RERG: variants seen among roughly 807,000 people sequenced by gnomAD.
RERG encodes RAS like estrogen regulated growth inhibitor, also known as ras-related and estrogen-regulated growth inhibitor.
Under a neutral mutation model 23.2 loss-of-function variants are expected in RERG, and 25 were observed. The ratio of observed to expected loss-of-function variants is 1.08; its 90% CI spans 0.79 to 1.50. The LOEUF (loss-of-function observed/expected upper bound fraction) is 1.50, where lower values mean the gene tolerates loss of function less well. RERG is among the 40% of genes most tolerant of loss of function. RERG has a pLI of 0.00. For missense variants in RERG, 253 were observed against 250.1 expected, an observed-to-expected ratio of 1.01 and a Z score of -0.08; for synonymous variants, 81 against 89.1, an observed-to-expected ratio of 0.91 and a Z score of 0.51.
intron 2 of RERG, among the ~76,000 whole-genome samples, chr12:15,197,320 A>G (rs1388922600): frequency 6.6e-6 from 1 of 152,164 alleles, no homozygotes; most frequent in Non-Finnish European, 1.5e-5. Context: ...ATCATAAACA[A>G]TTCAATGTGA....
intron 2 of RERG, among the ~76,000 whole-genome samples, chr12:15,187,305 C>T (rs563947931): frequency 6.6e-6 from 1 of 152,188 alleles, no homozygotes; most frequent in South Asian, 2.1e-4. Context: ...AGAGTAAATG[C>T]AGTACTTAGC....
chr12:15,128,569 A>T (rs1175132165), intron 2 of RERG, among the ~76,000 whole-genome samples: 1 of 152,200 alleles, frequency 6.6e-6, no homozygotes, highest in Non-Finnish European at 1.5e-5. Flanking sequence ...ATAGTATCCA[A>T]TTGAAGTCCT....
intron 2 of RERG, among the ~76,000 whole-genome samples, chr12:15,193,108 T>A (rs1591665195): frequency 6.6e-6 from 1 of 152,288 alleles, no homozygotes; most frequent in East Asian, 1.9e-4. Context: ...CCACTAAATC[T>A]ATTGATGGCT....
chr12:15,180,210 C>T (rs1049548302), intron 2 of RERG, among the ~76,000 whole-genome samples: 6 of 152,040 alleles, frequency 3.9e-5, no homozygotes, highest in Non-Finnish European at 8.8e-5. Flanking sequence ...AATTTTACTG[C>T]AAAGGGCTGA....
chr12:15,107,842 C>G lies in RERG; in HGVS notation c.*1268G>C, dbSNP rs1450252864. On this transcript the variant is annotated 3_prime_UTR_variant, in exon 5 of 5. Transcript: ENST00000256953. Reference sequence around the variant, plus strand: ...TCACATAAAATAAAGTCAGTTACATCAAGTTGTCCAAATGCATTGGTGAAT... The same window carrying G: ...TCACATAAAATAAAGTCAGTTACATGAAGTTGTCCAAATGCATTGGTGAAT... 6.6e-6 allele frequency: 1 copy of G among 152,518 alleles called. No individual in the cohort carries two copies. The highest frequency in any genetic ancestry group is 1.5e-5 in the Non-Finnish European group (1 of 67,980). The allele number at this position is 152,518 out of a possible 1,614,324, so 9.4% of individuals were successfully genotyped here. A position where few individuals can be genotyped will look rare whatever the true frequency, so the allele number is the denominator to read the frequency against.
At chr12:15,157,504 T>C (rs1864539747) in intron 2 of RERG, among the ~76,000 whole-genome samples, 1 of 152,212 alleles carries the variant, frequency 6.6e-6, no homozygotes, top group Non-Finnish European at 1.5e-5. Context: ...AATGTAGTGC[T>C]AAAGCTTGTC....
intron 2 of RERG, chr12:15,137,803 T>A (rs1414084311): frequency 2.3e-6 from 1 of 428,016 alleles, no homozygotes; most frequent in Non-Finnish European, 4.6e-6. Flanking sequence ...AAATTAAGAG[T>A]AAGAAAAATT....
intron 2 of RERG, among the ~76,000 whole-genome samples, chr12:15,162,696 T>A (rs1864632210): frequency 6.6e-6 from 1 of 152,208 alleles, no homozygotes; most frequent in African/African-American, 2.4e-5. Context: ...AAGAATTTTT[T>A]AAAAACACAA....
In RERG at chr12:15,108,822, A is replaced by C. The variant is rs1376377778; in HGVS notation, c.*288T>G. The C allele has an allele frequency of 1.0e-5, 3 of 291,738 alleles. No homozygotes were observed. Among genetic ancestry groups the C allele is most frequent in the Non-Finnish European group, 1.9e-5 (3 of 159,412 alleles). 18.1% of individuals were successfully genotyped at this position (291,738 alleles called of 1,614,324 possible). A position where few individuals can be genotyped will look rare whatever the true frequency, so the allele number is the denominator to read the frequency against. On this transcript the variant is annotated 3_prime_UTR_variant, in exon 5 of 5. Transcript: ENST00000256953. ...TCAACCTACTTAAAGCAAGGTGAAG[A>C]TGCCTAAAAATAGCTTAACATAAAC... is the stretch of plus-strand genomic sequence containing the variant.
intron 2 of RERG, among the ~76,000 whole-genome samples, chr12:15,185,345 C>T (rs559910968): frequency 1.3e-4 from 20 of 152,160 alleles, no homozygotes; most frequent in Middle Eastern, 3.4e-3. Flanking sequence ...TTGTAATGTA[C>T]ACCCCAAAAC....
chr12:15,208,012 A>T (rs1308639820), intron 2 of RERG, among the ~76,000 whole-genome samples: 1 of 152,166 alleles, frequency 6.6e-6, no homozygotes, highest in Non-Finnish European at 1.5e-5. Context: ...TTGTCGATGT[A>T]GTTAATATCA....
intron 2 of RERG, among the ~76,000 whole-genome samples, chr12:15,186,560 G>A (rs895583078): frequency 2.6e-5 from 4 of 152,104 alleles, no homozygotes; most frequent in East Asian, 1.9e-4. Context: ...GAGAGGAAGA[G>A]AAGAGGAGGA....
chr12:15,125,670 A>G (rs925644917), intron 2 of RERG, among the ~76,000 whole-genome samples: 6 of 152,220 alleles, frequency 3.9e-5, no homozygotes, highest in Admixed American at 3.9e-4. Context: ...AAATAATGGA[A>G]AAGAGAAGAA....
intron 2 of RERG, among the ~76,000 whole-genome samples, chr12:15,148,882 TTTTTTA>T: frequency 8.4e-6 from 1 of 119,146 alleles, no homozygotes; most frequent in African/African-American, 4.0e-5. Context: ...TTTTTTTTTT[TTTTTTA>T]GACAGAGTCT....
At chr12:15,197,931 G>A (rs1045701744) in intron 2 of RERG, among the ~76,000 whole-genome samples, 13 of 152,074 alleles carry the variant, frequency 8.5e-5, no homozygotes, top group East Asian at 1.9e-4. Flanking sequence ...CAAGGAGACT[G>A]GCTCTTTCCT....
intron 2 of RERG, among the ~76,000 whole-genome samples, chr12:15,185,725 A>G (rs1864981993): frequency 6.6e-6 from 1 of 152,058 alleles, no homozygotes; most frequent in Non-Finnish European, 1.5e-5. Flanking sequence ...GTCAAAAACT[A>G]TGCTCACTAC....
intron 2 of RERG, chr12:15,138,157 C>T (rs541321033): frequency 2.0e-5 from 4 of 196,104 alleles, no homozygotes; most frequent in Admixed American, 1.1e-4. Context: ...GTCATTCTTT[C>T]GCATTTATCC....
intron 2 of RERG, among the ~76,000 whole-genome samples, chr12:15,185,598 A>T (rs1275387126): frequency 6.6e-6 from 1 of 152,126 alleles, no homozygotes; most frequent in Non-Finnish European, 1.5e-5. Context: ...AAAATTCTGA[A>T]GTTGGGCTCT....
At chr12:15,110,009 T>C (rs1380340735) in intron 4 of RERG, among the ~76,000 whole-genome samples, 2 of 152,238 alleles carry the variant, frequency 1.3e-5, no homozygotes, top group African/African-American at 4.8e-5. Context: ...CTTCAGATTA[T>C]AGACAATTAG....
Sources: gnomAD v4.1 joint callset for allele counts (sites outside exome capture counted in the v4.1 genomes callset) on GRCh38, gnomAD v4.1.1 for gene constraint, MANE v1.5 for transcripts, NCBI Gene and HGNC (gene_info 2026-07-23, HGNC 2026-07-21) for gene names.